The following SLC4A4 variants were observed in gnomAD, a reference collection of about 807,000 sequenced individuals.
The protein encoded by SLC4A4 is electrogenic sodium bicarbonate cotransporter 1.
SLC4A4 carries 27 observed loss-of-function variants against 111.5 expected under a neutral mutation model. That is an observed-to-expected ratio of 0.24 (90% CI 0.18 to 0.33). The LOEUF (loss-of-function observed/expected upper bound fraction) is 0.33, where lower values mean the gene tolerates loss of function less well. SLC4A4 is among the 10% of genes least tolerant of loss of function. SLC4A4 has a pLI of 1.00. For synonymous variants in SLC4A4, 443 were observed against 463.4 expected, an observed-to-expected ratio of 0.96 and a Z score of 0.57; for missense variants, 909 against 1,315.5, an observed-to-expected ratio of 0.69 and a Z score of 4.78.
At chr4:71,532,982 T>G in intron 17 of SLC4A4, among the ~76,000 whole-genome samples, 1 of 152,248 alleles carries the variant, frequency 6.6e-6, no homozygotes, top group Non-Finnish European at 1.5e-5. Flanking sequence ...AAATTTACAT[T>G]CCAGTCATTC....
intron 2 of SLC4A4, among the ~76,000 whole-genome samples, chr4:71,245,904 G>A (rs1197514477): frequency 2.0e-5 from 3 of 152,166 alleles, no homozygotes; most frequent in East Asian, 1.9e-4. Flanking sequence ...CTCTGAGGCC[G>A]AGAAGAGGGC....
chr4:71,154,731 A>T (rs1365071538), intron 2 of SLC4A4, among the ~76,000 whole-genome samples: 6 of 152,214 alleles, frequency 3.9e-5, no homozygotes, highest in African/African-American at 1.4e-4. Context: ...TAAACGTCAT[A>T]ATTCTACATT....
chr4:71,400,968 T>A (rs1485436617), intron 7 of SLC4A4, among the ~76,000 whole-genome samples: 1 of 152,186 alleles, frequency 6.6e-6, no homozygotes, highest in Non-Finnish European at 1.5e-5. Flanking sequence ...ACTTGTCTTG[T>A]GTACTTGTCC....
intron 4 of SLC4A4, among the ~76,000 whole-genome samples, chr4:71,342,121 ATCTGTAATACTTTCTTTT>A (rs1211712598): frequency 2.0e-5 from 3 of 152,128 alleles, no homozygotes; most frequent in Non-Finnish European, 4.4e-5. Context: ...TCCACTCCTC[ATCTGTAATACTTTCTTTT>A]GAAGCTTTTC....
At chr4:71,329,968 T>A (rs1050239976) in intron 3 of SLC4A4, among the ~76,000 whole-genome samples, 1 of 152,094 alleles carries the variant, frequency 6.6e-6, no homozygotes, top group African/African-American at 2.4e-5. Flanking sequence ...ATTAATATTA[T>A]ATTGAGGTAT....
chr4:71,366,283 T>C (rs1578930415), intron 6 of SLC4A4, among the ~76,000 whole-genome samples: 1 of 150,552 alleles, frequency 6.6e-6, no homozygotes, highest in African/African-American at 2.4e-5. Flanking sequence ...CTTAATAGGA[T>C]TGTTTTAAAA....
rs573024164 is a variant in SLC4A4 at position 71,421,788 on chromosome 4, T to C, written c.808-18828T>C. ...AAATAAAGATGTTCTTTGAAACCAA[T>C]GAGAAAAAAGACACAACATACCAGA... is the stretch of plus-strand genomic sequence containing the variant. On this transcript the variant is annotated intron_variant, in intron 7 of 25. Transcript: ENST00000264485. Among the ~76,000 whole-genome samples the C allele has an allele frequency of 4.6e-5, 7 of 151,988 alleles. No homozygotes were observed. In the South Asian group the frequency reaches 1.5e-3, roughly 32 times the overall value.
At chr4:71,257,915 C>G (rs1188455521) in intron 3 of SLC4A4, among the ~76,000 whole-genome samples, 1 of 152,152 alleles carries the variant, frequency 6.6e-6, no homozygotes, top group Non-Finnish European at 1.5e-5. Flanking sequence ...TAAAATAGAT[C>G]TGAATTTTTC....
At chr4:71,341,584 T>C (rs1188168689) in intron 4 of SLC4A4, among the ~76,000 whole-genome samples, 1 of 152,204 alleles carries the variant, frequency 6.6e-6, no homozygotes, top group East Asian at 1.9e-4. Flanking sequence ...TGAGGCATAC[T>C]TTAAAATTTC....
chr4:71,567,389 T>A (rs1476350235), intron 25 of SLC4A4, among the ~76,000 whole-genome samples: 1 of 151,778 alleles, frequency 6.6e-6, no homozygotes, highest in Non-Finnish European at 1.5e-5. Context: ...TTCTGACAGT[T>A]CTTCTCCAGT....
chr4:71,095,802 C>T (rs1472056417), intron 2 of SLC4A4, among the ~76,000 whole-genome samples: 2 of 152,242 alleles, frequency 1.3e-5, no homozygotes, highest in East Asian at 3.9e-4. Context: ...TTGCAGAGTT[C>T]TGTAGGTATA....
intron 6 of SLC4A4, among the ~76,000 whole-genome samples, chr4:71,394,695 A>C (rs1719639709): frequency 6.6e-6 from 1 of 152,190 alleles, no homozygotes; most frequent in South Asian, 2.1e-4. Flanking sequence ...TCAGTCGACG[A>C]GTGGATAAAG....
Position 71,383,855 on chromosome 4 carries a change from A to G in SLC4A4, c.731-13722A>G, listed in dbSNP as rs546398726. On this transcript the variant is annotated intron_variant, in intron 6 of 25. Coordinates refer to ENST00000264485, the MANE Select transcript of SLC4A4 (RefSeq NM_001098484.3). ...ATGGATCCATTAGGCCCATCCAGAA[A>G]GGAGACGTGTGAGCCACCATGCTGT... Among the ~76,000 whole-genome samples the G allele has an allele frequency of 2.0e-5, 3 of 152,310 alleles. No homozygotes were observed. In the East Asian group the frequency reaches 5.8e-4, roughly 29 times the overall value.
chr4:71,386,854 G>A (rs115588604), intron 6 of SLC4A4, among the ~76,000 whole-genome samples: 2,422 of 152,196 alleles, frequency 0.016, 32 homozygotes, highest in Middle Eastern at 0.071. Flanking sequence ...CACTGATGGT[G>A]CTCAATTGTA....
chr4:71,135,308 T>A (rs1361343475), intron 2 of SLC4A4, among the ~76,000 whole-genome samples: 2 of 150,838 alleles, frequency 1.3e-5, no homozygotes, highest in East Asian at 3.9e-4. Flanking sequence ...TTTTTTTTTT[T>A]TTTTTGAGAC....
intron 14 of SLC4A4, among the ~76,000 whole-genome samples, chr4:71,477,243 A>G (rs1410353142): frequency 1.3e-5 from 2 of 151,904 alleles, no homozygotes; most frequent in African/African-American, 4.8e-5. Context: ...TAAAGGTTAA[A>G]TGAGATAGTA....
chr4:71,549,583 C>A (rs1052562998), intron 20 of SLC4A4, among the ~76,000 whole-genome samples: 3 of 151,704 alleles, frequency 2.0e-5, no homozygotes, highest in Non-Finnish European at 2.9e-5. Flanking sequence ...TATATTATTT[C>A]TTTTCATTAA....
chr4:71,495,426 C>A (rs1204093742), intron 15 of SLC4A4, among the ~76,000 whole-genome samples: 8 of 152,046 alleles, frequency 5.3e-5, no homozygotes, highest in Non-Finnish European at 4.4e-5. Context: ...TGTAAACATC[C>A]ATATGCAGAA....
At chr4:71,340,024 C>T (rs2148890035) in intron 4 of SLC4A4, among the ~76,000 whole-genome samples, 1 of 150,966 alleles carries the variant, frequency 6.6e-6, no homozygotes, top group Admixed American at 6.6e-5. Context: ...CAAGACCAGC[C>T]TGGGCAACAT....
Sources: allele counts gnomAD v4.1 joint callset (sites outside exome capture counted in the v4.1 genomes callset), GRCh38; gene constraint gnomAD v4.1.1; transcripts MANE v1.5; gene names NCBI Gene and HGNC (gene_info 2026-07-23, HGNC 2026-07-21).